The following AK5 variants were observed in gnomAD, a reference collection of about 807,000 sequenced individuals.
The protein encoded by AK5 is adenylate kinase isoenzyme 5.
AK5 carries 27 observed loss-of-function variants against 69.5 expected under a neutral mutation model. That is an observed-to-expected ratio of 0.39 (90% CI 0.29 to 0.54). AK5 has a LOEUF of 0.54. AK5 is among the 20% of genes least tolerant of loss of function. The probability of loss-of-function intolerance (pLI) is 0.71; values close to 1 mark genes in which losing one functional copy is unlikely to be tolerated. For missense variants in AK5, 531 were observed against 700.4 expected (o/e 0.76, Z 2.73); for synonymous variants, 260 against 244.4 (o/e 1.06, Z -0.60).
chr1:77,404,004 G>C (rs961776112), intron 6 of AK5, among the ~76,000 whole-genome samples: 14 of 152,068 alleles, frequency 9.2e-5, no homozygotes, highest in African/African-American at 3.4e-4. Flanking sequence ...TCCTTGAAGA[G>C]GTCCTTCACA....
intron 5 of AK5, among the ~76,000 whole-genome samples, chr1:77,306,294 T>C (rs1015543929): frequency 2.6e-5 from 4 of 152,118 alleles, no homozygotes; most frequent in African/African-American, 9.7e-5. Context: ...AATGAAGGGA[T>C]GTTTAATTTT....
intron 10 of AK5, among the ~76,000 whole-genome samples, chr1:77,514,877 G>T (rs1202215199): frequency 6.6e-6 from 1 of 152,200 alleles, no homozygotes; most frequent in Non-Finnish European, 1.5e-5. Flanking sequence ...TCCACATGGA[G>T]GGCTCCCAAC....
intron 6 of AK5, among the ~76,000 whole-genome samples, chr1:77,373,618 C>T (rs761686070): frequency 2.6e-5 from 4 of 151,768 alleles, no homozygotes; most frequent in African/African-American, 4.8e-5. Flanking sequence ...CCCAGCTACT[C>T]GGGAGGCTGA....
At chr1:77,489,658 T>C (rs567224317) in intron 10 of AK5, among the ~76,000 whole-genome samples, 16 of 152,318 alleles carry the variant, frequency 1.1e-4, no homozygotes, top group South Asian at 4.1e-4. Context: ...CCGAAAAACA[T>C]TGGGGCTGCA....
At chr1:77,493,028 G>A (rs779063373) in intron 10 of AK5, among the ~76,000 whole-genome samples, 18 of 152,190 alleles carry the variant, frequency 1.2e-4, no homozygotes, top group Non-Finnish European at 7.3e-5. Context: ...AGTGAAATCG[G>A]GCAGCTCATG....
chr1:77,486,364 C>T lies in AK5; in HGVS notation c.1147+12C>T. ...TATTTTCATAATTGGTGAGTAACAG[C>T]CCTTGCATTTTCTAACAATACAATT... On this transcript the variant is annotated intron_variant, in intron 10 of 13. Transcript: ENST00000354567. 6.4e-7 allele frequency: 1 copy of T among 1,573,128 alleles called. No individual in the cohort carries two copies. The highest frequency in any genetic ancestry group is 8.7e-7 in the Non-Finnish European group (1 of 1,147,498).
intron 8 of AK5, among the ~76,000 whole-genome samples, chr1:77,462,927 C>G (rs541102281): frequency 2.0e-5 from 3 of 152,302 alleles, no homozygotes; most frequent in African/African-American, 7.2e-5. Context: ...TTAAAGTTAT[C>G]TTAAAATTCA....
At chr1:77,546,718 A>G (rs1557667200) in intron 13 of AK5, among the ~76,000 whole-genome samples, 1 of 152,196 alleles carries the variant, frequency 6.6e-6, no homozygotes, top group Non-Finnish European at 1.5e-5. Context: ...TCTACACAAA[A>G]CAAAACAAAA....
chr1:77,461,724 C>A (rs1055785759), intron 8 of AK5, among the ~76,000 whole-genome samples: 1 of 150,654 alleles, frequency 6.6e-6, no homozygotes, highest in African/African-American at 2.4e-5. Context: ...GAGCAGAGAT[C>A]GCGCCATTCC....
intron 12 of AK5, among the ~76,000 whole-genome samples, chr1:77,523,287 T>C (rs1658098702): frequency 6.6e-6 from 1 of 152,176 alleles, no homozygotes; most frequent in Admixed American, 6.5e-5. Flanking sequence ...GTCCCTCGAC[T>C]CCAGAGCTTC....
chr1:77,443,721 G>GTT (rs1255408563), intron 8 of AK5, among the ~76,000 whole-genome samples: 7 of 149,782 alleles, frequency 4.7e-5, no homozygotes, highest in African/African-American at 1.5e-4. Context: ...GTGTGTGTGT[G>GTT]TGTTCAACTG....
intron 2 of AK5, among the ~76,000 whole-genome samples, chr1:77,290,175 T>C (rs1220921592): frequency 6.6e-6 from 1 of 152,228 alleles, no homozygotes; most frequent in Non-Finnish European, 1.5e-5. Flanking sequence ...CACACGGTCT[T>C]GTATCTGAAA....
chr1:77,439,076 A>G (rs370896371), intron 8 of AK5, among the ~76,000 whole-genome samples: 3 of 152,168 alleles, frequency 2.0e-5, no homozygotes, highest in South Asian at 4.1e-4. Flanking sequence ...GGGGCTGATA[A>G]TCTATCTAAG....
At position 77,497,217 on chromosome 1, in the gene AK5, C is replaced by G. The variant is rs949253468; in HGVS notation, c.1147+10865C>G. On this transcript the variant is annotated intron_variant, in intron 10 of 13. Transcript: ENST00000354567. ...CCCTTAAGAGCTGTAACGCTCACTGCGAAGGTCTGCGGCTTCACTCCTGAA... is the reference window on the plus strand; with the variant it reads ...CCCTTAAGAGCTGTAACGCTCACTGGGAAGGTCTGCGGCTTCACTCCTGAA... Among the ~76,000 whole-genome samples the G allele has an allele frequency of 2.0e-5, 3 of 152,290 alleles. No individual in the cohort carries two copies. In the East Asian group the frequency reaches 5.8e-4, roughly 29 times the overall value.
At chr1:77,504,235 C>T (rs1353129016) in intron 10 of AK5, among the ~76,000 whole-genome samples, 2 of 152,132 alleles carry the variant, frequency 1.3e-5, no homozygotes, top group African/African-American at 4.8e-5. Flanking sequence ...TCTTTAGACA[C>T]ATGCAGCCCA....
In AK5 at chr1:77,342,664, T is replaced by C. The variant is rs74550956; in HGVS notation, c.891+2096T>C. Among the ~76,000 whole-genome samples, 59 of 152,338 alleles carry C rather than the reference T, an allele frequency of 3.9e-4. No homozygotes were observed. In the East Asian group the frequency reaches 0.01, roughly 26 times the overall value. Reference sequence around the variant, plus strand: ...AAAACATGTGTCCTCTTTTAGAACCTGGATCATAGTTTATTGCTGGAATTA... The same window carrying C: ...AAAACATGTGTCCTCTTTTAGAACCCGGATCATAGTTTATTGCTGGAATTA... On this transcript the variant is annotated intron_variant, in intron 6 of 13. Transcript: ENST00000354567.
chr1:77,365,374 G>A lies in AK5; in HGVS notation c.891+24806G>A, dbSNP rs181713711. On this transcript the variant is annotated intron_variant, in intron 6 of 13. Transcript: ENST00000354567. The stretch of plus-strand genomic sequence containing the variant: ...CACCTGGGCTGAAGTGCAGTGGCAC[G>A]ATCCTAGCTCAGTGCAGCCTCAAAC... 1.5e-4 allele frequency among the ~76,000 whole-genome samples: 23 copies of A among 152,268 alleles called. No homozygotes were observed. The East Asian group carries it at 2.7e-3, about 18-fold the overall frequency.
chr1:77,297,805 T>C (rs1165189326), intron 4 of AK5, 29 bp from the exon 5 acceptor site: 1 of 1,606,302 alleles, frequency 6.2e-7, no homozygotes, highest in Non-Finnish European at 8.5e-7. Flanking sequence ...ACTGTGGGGT[T>C]TTTTTGTCAT....
At chr1:77,508,918 G>A (rs1346740643) in intron 10 of AK5, among the ~76,000 whole-genome samples, 1 of 151,928 alleles carries the variant, frequency 6.6e-6, no homozygotes, top group Admixed American at 6.6e-5. Context: ...CACAGGCATG[G>A]GGAGAAGCAC....
Sources: allele counts gnomAD v4.1 joint callset (sites outside exome capture counted in the v4.1 genomes callset), GRCh38; gene constraint gnomAD v4.1.1; transcripts MANE v1.5; gene names NCBI Gene and HGNC (gene_info 2026-07-23, HGNC 2026-07-21).